RASAL2: variants seen among roughly 807,000 people sequenced by gnomAD.
The protein encoded by RASAL2 is ras GTPase-activating protein nGAP.
Under a neutral mutation model 128.9 loss-of-function variants are expected in RASAL2, and 58 were observed. The ratio of observed to expected loss-of-function variants is 0.45; its 90% confidence interval spans 0.36 to 0.56. The LOEUF is 0.56. Ranked by LOEUF, RASAL2 falls within the 20% of genes least tolerant of loss-of-function variation. RASAL2 has a pLI of 0.00. For missense variants in RASAL2, 1,360 were observed against 1,601.6 expected (o/e 0.85, Z 2.57); for synonymous variants, 561 against 580.8 (o/e 0.97, Z 0.49).
intron 2 of RASAL2, among the ~76,000 whole-genome samples, chr1:178,296,025 GAAAATA>G (rs1184221499): frequency 6.6e-6 from 1 of 151,850 alleles, no homozygotes; most frequent in Non-Finnish European, 1.5e-5. Flanking sequence ...CAGTTTTACA[GAAAATA>G]TGTGTGTATG....
chr1:178,464,103 G>A (rs1362223151), intron 14 of RASAL2, among the ~76,000 whole-genome samples, 175 bp from the exon 15 acceptor site: 3 of 152,148 alleles, frequency 2.0e-5, no homozygotes, highest in Non-Finnish European at 4.4e-5. Flanking sequence ...TTATACAAAT[G>A]TATATTCTCT....
Position 178,298,936 on chromosome 1 carries a change from A to C in RASAL2, c.331-1056A>C, listed in dbSNP as rs549987443. ...GAAAAAAAAAACCCCAAAACCAAAA[A>C]AAACCCACAACTTTGAACCATCCCA... On this transcript the variant is annotated intron_variant, in intron 2 of 17. Coordinates refer to ENST00000367649, the MANE Select transcript of RASAL2 (RefSeq NM_170692.4). Among the ~76,000 whole-genome samples the C allele has an allele frequency of 2.0e-4, 31 of 152,138 alleles. No individual in the cohort carries two copies. The East Asian group carries it at 5.8e-3, about 28-fold the overall frequency.
chr1:178,189,220 T>C (rs1662407702), intron 1 of RASAL2, among the ~76,000 whole-genome samples: 1 of 152,220 alleles, frequency 6.6e-6, no homozygotes. Flanking sequence ...ACAGTTCTTA[T>C]ATTCCTTGGT....
At chr1:178,430,533 A>G (rs1199753637) in intron 5 of RASAL2, among the ~76,000 whole-genome samples, 1 of 152,124 alleles carries the variant, frequency 6.6e-6, no homozygotes. Flanking sequence ...GAACTAATGC[A>G]TGTCATATCA....
chr1:178,148,190 C>CTT (rs11325242), intron 1 of RASAL2, among the ~76,000 whole-genome samples: 1 of 144,948 alleles, frequency 6.9e-6, no homozygotes, highest in East Asian at 2.0e-4. Context: ...TCTTTGCTCA[C>CTT]TTTTTTTTTT....
intron 1 of RASAL2, among the ~76,000 whole-genome samples, chr1:178,192,547 ATTTTC>A (rs1662528222): frequency 6.6e-6 from 1 of 152,152 alleles, no homozygotes; most frequent in Admixed American, 6.5e-5. Context: ...AAGTAGATTT[ATTTTC>A]TTTAAACAAA....
intron 4 of RASAL2, among the ~76,000 whole-genome samples, chr1:178,393,869 T>G (rs913182920): frequency 8.5e-5 from 13 of 152,308 alleles, no homozygotes; most frequent in Admixed American, 5.9e-4. Flanking sequence ...AAGACCAGAA[T>G]CGAACGAGTT....
chr1:178,333,268 C>T (rs1202347750), intron 3 of RASAL2, among the ~76,000 whole-genome samples: 2 of 152,060 alleles, frequency 1.3e-5, no homozygotes, highest in African/African-American at 4.8e-5. Flanking sequence ...ACCTTGTGAC[C>T]CGCCCGTCTC....
intron 4 of RASAL2, among the ~76,000 whole-genome samples, chr1:178,415,922 CA>C (rs1333875821): frequency 6.6e-6 from 1 of 151,962 alleles, no homozygotes; most frequent in Non-Finnish European, 1.5e-5. Context: ...TGTTTCCATC[CA>C]TTTACTATTA....
At chr1:178,366,583 A>AC (rs1170150772) in intron 3 of RASAL2, among the ~76,000 whole-genome samples, 4,108 of 37,346 alleles carry the variant, frequency 0.11, 186 homozygotes, top group East Asian at 0.26. Flanking sequence ...GGTACCTCCC[A>AC]CCCCCCCCCG....
chr1:178,271,035 G>A (rs1334700360), intron 1 of RASAL2, among the ~76,000 whole-genome samples: 1 of 152,116 alleles, frequency 6.6e-6, no homozygotes, highest in African/African-American at 2.4e-5. Flanking sequence ...TACCCTCCCA[G>A]GAGAGCAAAC....
chr1:178,275,091 C>A (rs1348369794), intron 1 of RASAL2, among the ~76,000 whole-genome samples: 1 of 152,190 alleles, frequency 6.6e-6, no homozygotes, highest in East Asian at 1.9e-4. Context: ...TGCCATTTCT[C>A]ATCTTACTGC....
intron 2 of RASAL2, among the ~76,000 whole-genome samples, chr1:178,297,981 T>C (rs1177344510): frequency 6.6e-6 from 1 of 152,164 alleles, no homozygotes; most frequent in Non-Finnish European, 1.5e-5. Context: ...TTCTGCATGG[T>C]TTAGACCTTT....
intron 3 of RASAL2, among the ~76,000 whole-genome samples, chr1:178,374,963 A>G (rs1482397818): frequency 6.6e-6 from 1 of 152,174 alleles, no homozygotes; most frequent in African/African-American, 2.4e-5. Context: ...GTGTTTGGCT[A>G]GGGAGAAAAC....
chr1:178,179,772 T>C (rs777747071), intron 1 of RASAL2, among the ~76,000 whole-genome samples: 16 of 152,198 alleles, frequency 1.1e-4, no homozygotes, highest in South Asian at 4.1e-4. Context: ...CAACTGATGA[T>C]CTATTCTTAT....
rs1648674770 is a variant in RASAL2, at chr1:178,476,387, C to T, written c.*3148C>T. 1 of 152,184 alleles carries T rather than the reference C, an allele frequency of 6.6e-6. No homozygotes were observed. The highest frequency in any genetic ancestry group is 2.1e-4 in the South Asian group (1 of 4,826). 9.4% of individuals were successfully genotyped at this position (152,184 alleles called of 1,614,324 possible). A position where few individuals can be genotyped will look rare whatever the true frequency, so the allele number is the denominator to read the frequency against. On this transcript the variant is annotated 3_prime_UTR_variant, in exon 18 of 18. Transcript: ENST00000367649. The stretch of plus-strand genomic sequence containing the variant: ...TCAGGTCATCATATTCCCTGAGTCT[C>T]TGCAGCAAAAGCCATGTCAGAGGGG...
intron 9 of RASAL2, among the ~76,000 whole-genome samples, chr1:178,446,967 A>T (rs2102864964): frequency 6.6e-6 from 1 of 152,340 alleles, no homozygotes; most frequent in East Asian, 1.9e-4. Flanking sequence ...GAATGTGTGG[A>T]ATAAAACTAT....
intron 3 of RASAL2, among the ~76,000 whole-genome samples, chr1:178,305,372 G>A (rs978142926): frequency 6.6e-6 from 1 of 152,048 alleles, no homozygotes; most frequent in Non-Finnish European, 1.5e-5. Flanking sequence ...CAAAACTAGA[G>A]GAATCACATT....
chr1:178,162,683 G>A (rs1239610777), intron 1 of RASAL2, among the ~76,000 whole-genome samples: 1 of 148,672 alleles, frequency 6.7e-6, no homozygotes, highest in African/African-American at 2.5e-5. Flanking sequence ...CACCTCCTGG[G>A]TTCAAGTGAT....
Sources: allele counts gnomAD v4.1 joint callset (sites outside exome capture counted in the v4.1 genomes callset), GRCh38; gene constraint gnomAD v4.1.1; transcripts MANE v1.5; gene names NCBI Gene and HGNC (gene_info 2026-07-23, HGNC 2026-07-21).